Variants in TSPAN18 observed in about 807,000 individuals in gnomAD.
The protein encoded by TSPAN18 is tetraspanin 18, also known as tetraspanin-18.
In TSPAN18, 14 loss-of-function variants were observed where a neutral mutation model predicts 27.3. That is an observed-to-expected ratio of 0.51 (90% confidence interval 0.34 to 0.80). The LOEUF (loss-of-function observed/expected upper bound fraction) is 0.80. TSPAN18 is among the 30% of genes least tolerant of loss of function. TSPAN18 has a pLI of 0.01. For missense variants in TSPAN18, 268 were observed against 323.9 expected, an observed-to-expected ratio of 0.83 and a Z score of 1.32; for synonymous variants, 143 against 136.5, an observed-to-expected ratio of 1.05 and a Z score of -0.33.
chr11:44,804,962 G>A (rs1490417756), intron 2 of TSPAN18, among the ~76,000 whole-genome samples: 1 of 152,222 alleles, frequency 6.6e-6, no homozygotes, highest in Non-Finnish European at 1.5e-5. Context: ...TGGGGAGGAT[G>A]CAGAGAAGAA....
At chr11:44,916,009 A>G (rs1859895211) in intron 5 of TSPAN18, among the ~76,000 whole-genome samples, 2 of 152,324 alleles carry the variant, frequency 1.3e-5, no homozygotes, top group Admixed American at 6.5e-5. Flanking sequence ...ACCAGCCAGC[A>G]AAACGCAGGA....
intron 2 of TSPAN18, among the ~76,000 whole-genome samples, chr11:44,783,422 G>A (rs1271507476): frequency 8.0e-5 from 12 of 149,368 alleles, no homozygotes; most frequent in Admixed American, 1.3e-4. Context: ...TTAGTGAGAC[G>A]GAGTCTCGCT....
At chr11:44,772,362 A>C (rs1855706843) in intron 2 of TSPAN18, among the ~76,000 whole-genome samples, 1 of 152,264 alleles carries the variant, frequency 6.6e-6, no homozygotes, top group Non-Finnish European at 1.5e-5. Context: ...CCAGAAAAGA[A>C]ACAGACTGAA....
chr11:44,811,175 C>CACACACACACACA (rs1554986590), intron 2 of TSPAN18, among the ~76,000 whole-genome samples: 2 of 149,424 alleles, frequency 1.3e-5, no homozygotes, highest in East Asian at 2.0e-4. Context: ...CACACACACA[C>CACACACACACACA]CCCTGCCTGT....
intron 2 of TSPAN18, among the ~76,000 whole-genome samples, chr11:44,828,358 G>A (rs1230215828): frequency 6.6e-6 from 1 of 152,160 alleles, no homozygotes; most frequent in Non-Finnish European, 1.5e-5. Flanking sequence ...AGCTGGCAGA[G>A]AGATGGAAGC....
intron 1 of TSPAN18, among the ~76,000 whole-genome samples, chr11:44,747,692 C>T (rs143316526): frequency 2.0e-5 from 3 of 152,030 alleles, no homozygotes; most frequent in Non-Finnish European, 2.9e-5. Context: ...TCTCCTCCCC[C>T]CTCCCGTCTC....
intron 3 of TSPAN18, among the ~76,000 whole-genome samples, chr11:44,876,321 G>A (rs1858331399): frequency 6.6e-6 from 1 of 152,166 alleles, no homozygotes; most frequent in Non-Finnish European, 1.5e-5. Context: ...GTGTGTGCCA[G>A]CGTCCCCAGC....
At chr11:44,761,460 C>T (rs1251734639) in intron 1 of TSPAN18, among the ~76,000 whole-genome samples, 1 of 152,248 alleles carries the variant, frequency 6.6e-6, no homozygotes, top group East Asian at 1.9e-4. Flanking sequence ...TGGTTTCCCT[C>T]ACACAATGCA....
Position 44,787,818 on chromosome 11 carries a change from G to A in TSPAN18, c.-153+23306G>A, listed in dbSNP as rs1392595856. On this transcript the variant is annotated intron_variant, in intron 2 of 9. Transcript: ENST00000520358. Reference sequence around the variant, plus strand: ...ATCTGTAGCAGTCCTTTTTTGCGAGGGTGCTCTCTGGAGTTCTCAGAAGAC... The same window carrying A: ...ATCTGTAGCAGTCCTTTTTTGCGAGAGTGCTCTCTGGAGTTCTCAGAAGAC... Among the ~76,000 whole-genome samples, 2 of 151,966 alleles carry A rather than the reference G, an allele frequency of 1.3e-5. 1 individual carries two copies. The highest frequency in any genetic ancestry group is 4.2e-4 in the South Asian group (2 of 4,814).
intron 2 of TSPAN18, among the ~76,000 whole-genome samples, chr11:44,795,030 A>G (rs1856316116): frequency 6.6e-6 from 1 of 152,148 alleles, no homozygotes; most frequent in African/African-American, 2.4e-5. Flanking sequence ...GGCATTGTCC[A>G]AGACCACCTC....
chr11:44,790,368 T>C (rs1163831680), intron 2 of TSPAN18, among the ~76,000 whole-genome samples: 2 of 149,916 alleles, frequency 1.3e-5, no homozygotes, highest in African/African-American at 4.9e-5. Flanking sequence ...GGTGCGTGCA[T>C]GTTTGTGTGC....
chr11:44,903,974 A>G (rs1467801282), intron 3 of TSPAN18: 9 of 424,416 alleles, frequency 2.1e-5, no homozygotes, highest in African/African-American at 1.8e-4. Flanking sequence ...GAGCTGGCAC[A>G]TAGTAAATGC....
At chr11:44,827,036 A>G (rs987879999) in intron 2 of TSPAN18, among the ~76,000 whole-genome samples, 1 of 152,152 alleles carries the variant, frequency 6.6e-6, no homozygotes, top group African/African-American at 2.4e-5. Context: ...AGAGCCTTTT[A>G]GCTCACGAGG....
intron 2 of TSPAN18, among the ~76,000 whole-genome samples, chr11:44,850,595 C>G (rs890771797): frequency 6.6e-6 from 1 of 152,060 alleles, no homozygotes; most frequent in African/African-American, 2.4e-5. Context: ...TTACTCTGCC[C>G]CAGATAATAG....
chr11:44,893,512 G>T (rs1858927656), intron 3 of TSPAN18, among the ~76,000 whole-genome samples: 1 of 152,216 alleles, frequency 6.6e-6, no homozygotes, highest in East Asian at 1.9e-4. Flanking sequence ...CAGCCAGTGA[G>T]CAAATAAGTC....
At chr11:44,833,099 C>A (rs1057235014) in intron 2 of TSPAN18, among the ~76,000 whole-genome samples, 1 of 150,620 alleles carries the variant, frequency 6.6e-6, no homozygotes, top group African/African-American at 2.4e-5. Flanking sequence ...TGTCTCCTCA[C>A]TCTGGGCTCC....
intron 6 of TSPAN18, 121 bp downstream of exon 6, chr11:44,918,167 C>T (rs1164757712): frequency 1.4e-5 from 15 of 1,037,850 alleles, no homozygotes; most frequent in Non-Finnish European, 2.2e-5. Context: ...TCATCTGGCA[C>T]TTCCAGCCCA....
At chr11:44,885,781 G>A (rs900450628) in intron 3 of TSPAN18, 11 of 152,174 alleles carry the variant, frequency 7.2e-5, no homozygotes, top group Non-Finnish European at 1.5e-5. Context: ...CTGTCTTCCG[G>A]TTGTTCACCC....
intron 2 of TSPAN18, among the ~76,000 whole-genome samples, chr11:44,775,849 C>T (rs973425169): frequency 6.6e-6 from 1 of 152,130 alleles, no homozygotes. Flanking sequence ...AAGTGGCAGA[C>T]GATTTTTTTA....
Sources: allele counts gnomAD v4.1 joint callset (sites outside exome capture counted in the v4.1 genomes callset), GRCh38; gene constraint gnomAD v4.1.1; transcripts MANE v1.5; gene names NCBI Gene and HGNC (gene_info 2026-07-23, HGNC 2026-07-21).